CFTR: variants seen among roughly 807,000 people sequenced by gnomAD.
The protein encoded by CFTR is CF transmembrane conductance regulator, also known as cystic fibrosis transmembrane conductance regulator.
A neutral mutation model predicts 171.6 loss-of-function variants in CFTR; 181 were observed. That is an observed-to-expected ratio of 1.05 (90% CI 0.93 to 1.19). The LOEUF (loss-of-function observed/expected upper bound fraction) is 1.19, where lower values mean the gene tolerates loss of function less well. Ranked by LOEUF, CFTR falls within the 50% of genes most tolerant of loss-of-function variation. The pLI is 0.00. For synonymous variants in CFTR, 583 were observed against 608.0 expected (o/e 0.96, Z 0.60); for missense variants, 1,968 against 1,734.7 (o/e 1.13, Z -2.39).
chr7:117,535,434 T>C, intron 6 of CFTR, 23 bp downstream of exon 6: 4 of 1,612,480 alleles, frequency 2.5e-6, no homozygotes, highest in Non-Finnish European at 3.4e-6. Context: ...TTTCATAACT[T>C]GAAAGTTTTA....
Position 117,603,681 on chromosome 7 carries a change from C to T in CFTR, c.2807C>T (p.Pro936Leu), listed in dbSNP as rs1246404183. 1.9e-6 allele frequency: 3 copies of T among 1,613,954 alleles called. No individual in the cohort carries two copies. Among genetic ancestry groups the T allele is most frequent in the Non-Finnish European group, 2.5e-6 (3 of 1,179,964 alleles). ...LLAMGFFRGL[P>L]LVHTLITVSK... ...GCTATGGGATTCTTCAGAGGTCTAC[C>T]ACTGGTGCATACTCTAATCACAGTG... The change falls in exon 17 of 27, where the codon CCA (proline) becomes CTA (leucine). Residue 936 changes from proline (P) to leucine (L), a missense_variant. By Grantham distance (98) the Pro-to-Leu change is moderately conservative. Transcript: ENST00000003084.
intron 24 of CFTR, among the ~76,000 whole-genome samples, chr7:117,656,962 A>C (rs956529167): frequency 3.3e-5 from 5 of 152,214 alleles, no homozygotes; most frequent in African/African-American, 4.8e-5. Flanking sequence ...AAATGTACTT[A>C]GATTAACCGT....
intron 18 of CFTR, among the ~76,000 whole-genome samples, chr7:117,609,850 A>G (rs1418992883): frequency 6.6e-6 from 1 of 152,182 alleles, no homozygotes; most frequent in Non-Finnish European, 1.5e-5. Flanking sequence ...AAAATATCCA[A>G]AGATCAAAGA....
intron 22 of CFTR, among the ~76,000 whole-genome samples, chr7:117,639,444 A>C (rs2116158174): frequency 6.6e-6 from 1 of 152,244 alleles, no homozygotes; most frequent in East Asian, 1.9e-4. Flanking sequence ...CCTACTGGGA[A>C]CTTAATTTGG....
chr7:117,483,123 G>T (rs1798023242), intron 1 of CFTR, among the ~76,000 whole-genome samples: 1 of 152,212 alleles, frequency 6.6e-6, no homozygotes. Context: ...TAAACACAAA[G>T]TAATGAGAGA....
chr7:117,576,301 T>C (rs1791768490), intron 11 of CFTR, among the ~76,000 whole-genome samples: 1 of 152,162 alleles, frequency 6.6e-6, no homozygotes, highest in Non-Finnish European at 1.5e-5. Flanking sequence ...GCGTCAGAAT[T>C]GAACATGTAC....
At chr7:117,517,896 G>T (rs929912000) in intron 3 of CFTR, among the ~76,000 whole-genome samples, 14 of 152,082 alleles carry the variant, frequency 9.2e-5, no homozygotes, top group African/African-American at 3.4e-4. Context: ...ACTTTTTGAT[G>T]GGGTTGTTTT....
intron 15 of CFTR, among the ~76,000 whole-genome samples, chr7:117,596,366 T>A (rs1182135882): frequency 6.6e-6 from 1 of 152,216 alleles, no homozygotes; most frequent in African/African-American, 2.4e-5. Flanking sequence ...ACCTGCAGCC[T>A]GCCATGCCTG....
At chr7:117,608,098 C>A (rs902990236) in intron 18 of CFTR, among the ~76,000 whole-genome samples, 6 of 152,228 alleles carry the variant, frequency 3.9e-5, no homozygotes, top group Admixed American at 3.9e-4. Flanking sequence ...CTTCAGAACT[C>A]CTCTGGAAGG....
Position 117,603,660 on chromosome 7 carries a change from T to A in CFTR, c.2786T>A (p.Met929Lys). The change falls in exon 17 of 27, where the codon ATG becomes AAG. Residue 929 changes from methionine to lysine, a missense_variant. Physicochemically the swap from Met to Lys is moderately conservative, Grantham distance 95. Coordinates refer to ENST00000003084, the MANE Select transcript of CFTR (RefSeq NM_000492.4). ...YVGVADTLLA[M>K]GFFRGLPLVH... ...GGAGTAGCCGACACTTTGCTTGCTA[T>A]GGGATTCTTCAGAGGTCTACCACTG... The A allele has an allele frequency of 8.7e-6, 14 of 1,614,082 alleles. No homozygotes were observed. The highest frequency in any genetic ancestry group is 1.2e-5 in the Non-Finnish European group (14 of 1,179,960).
chr7:117,549,409 C>A (rs1799230938), intron 10 of CFTR, among the ~76,000 whole-genome samples: 1 of 152,028 alleles, frequency 6.6e-6, no homozygotes, highest in African/African-American at 2.4e-5. Context: ...GGAGATACAT[C>A]TGAAAAAATA....
At chr7:117,577,865 G>A (rs1466353956) in intron 11 of CFTR, among the ~76,000 whole-genome samples, 1 of 152,080 alleles carries the variant, frequency 6.6e-6, no homozygotes, top group East Asian at 1.9e-4. Flanking sequence ...TCTTCCACAT[G>A]TGTTTTACTT....
intron 9 of CFTR, among the ~76,000 whole-genome samples, chr7:117,545,237 T>C (rs1419771516): frequency 2.0e-5 from 3 of 152,168 alleles, no homozygotes; most frequent in Non-Finnish European, 4.4e-5. Context: ...GAGAATAGGA[T>C]GGGCAAGACC....
At chr7:117,583,742 A>G (rs937239555) in intron 11 of CFTR, among the ~76,000 whole-genome samples, 5 of 152,070 alleles carry the variant, frequency 3.3e-5, no homozygotes, top group African/African-American at 7.2e-5. Context: ...TCTTTAAGGA[A>G]TCTCCATACT....
At chr7:117,602,799 A>T in intron 15 of CFTR, 27 bp from the exon 16 acceptor site, 8 of 1,612,156 alleles carry the variant, frequency 5.0e-6, no homozygotes, top group Non-Finnish European at 6.8e-6. Flanking sequence ...TTAGAAAAAA[A>T]ATCAACTGTG....
chr7:117,583,319 C>T lies in CFTR; in HGVS notation c.1585-4420C>T, dbSNP rs546574850. On this transcript the variant is annotated intron_variant, in intron 11 of 26. Transcript: ENST00000003084. The stretch of plus-strand genomic sequence containing the variant: ...ACCCAATATGTAGTCTTTTATCCCC[C>T]CCCCGCTCCACCCTTCCTTTATCGT... Among the ~76,000 whole-genome samples the T allele has an allele frequency of 4.0e-5, 6 of 151,896 alleles. No individual in the cohort carries two copies. In the East Asian group the frequency reaches 5.8e-4, roughly 15 times the overall value.
At position 117,540,167 on chromosome 7, in the gene CFTR, T is replaced by C; in HGVS notation, c.937T>C (p.Ser313Pro). Residue 313 changes from serine (S) to proline (P), a missense_variant, in exon 8 of 27, where the codon TCA becomes CCA. Transcript: ENST00000003084. ...RYFNSSAFFF[S>P]GFFVVFLSVL... ...CTTCAATAGCTCAGCCTTCTTCTTC[T>C]CAGGGTTCTTTGTGGTGTTTTTATC... 1 of 1,614,016 alleles carries C rather than the reference T, an allele frequency of 6.2e-7. No homozygotes were observed. The highest frequency in any genetic ancestry group is 8.5e-7 in the Non-Finnish European group (1 of 1,179,910).
intron 24 of CFTR, among the ~76,000 whole-genome samples, chr7:117,656,000 C>T (rs757534288): frequency 3.9e-4 from 59 of 152,256 alleles, no homozygotes; most frequent in Middle Eastern, 3.4e-3. Flanking sequence ...CCTCCTAATA[C>T]CAGCATCTTT....
chr7:117,577,873 CT>C (rs1791794441), intron 11 of CFTR, among the ~76,000 whole-genome samples: 1 of 152,042 alleles, frequency 6.6e-6, no homozygotes, highest in African/African-American at 2.4e-5. Context: ...ATGTGTTTTA[CT>C]TTTTTGATAA....
Sources: allele counts gnomAD v4.1 joint callset (sites outside exome capture counted in the v4.1 genomes callset), GRCh38; gene constraint gnomAD v4.1.1; transcripts MANE v1.5; gene names NCBI Gene and HGNC (gene_info 2026-07-23, HGNC 2026-07-21).